Variants in PDE4D observed in about 807,000 individuals in gnomAD.
PDE4D encodes the protein 3',5'-cyclic-AMP phosphodiesterase 4D.
In PDE4D, 24 loss-of-function variants were observed where a neutral mutation model predicts 87.4. That is an observed-to-expected ratio of 0.27 (90% CI 0.20 to 0.39). The LOEUF (loss-of-function observed/expected upper bound fraction) is 0.39, where lower values mean the gene tolerates loss of function less well. PDE4D is among the 10% of genes least tolerant of loss of function. PDE4D has a pLI of 1.00. For synonymous variants in PDE4D, 384 were observed against 383.2 expected (o/e 1.00, Z -0.02); for missense variants, 714 against 1,041.0 (o/e 0.69, Z 4.32).
intron 1 of PDE4D, among the ~76,000 whole-genome samples, chr5:59,738,758 T>C (rs908878947): frequency 2.0e-5 from 3 of 151,850 alleles, no homozygotes; most frequent in Non-Finnish European, 4.4e-5. Context: ...TTTAATATTC[T>C]ATAATTTGTA....
intron 1 of PDE4D, among the ~76,000 whole-genome samples, chr5:59,770,168 T>C (rs1763295301): frequency 6.6e-6 from 1 of 152,162 alleles, no homozygotes; most frequent in Non-Finnish European, 1.5e-5. Context: ...TTTTTACCAA[T>C]ATAAAAGTTT....
At chr5:59,130,750 G>A (rs143810390) in intron 5 of PDE4D, among the ~76,000 whole-genome samples, 3 of 152,158 alleles carry the variant, frequency 2.0e-5, no homozygotes, top group African/African-American at 7.2e-5. Context: ...AAAAGTTCTT[G>A]TTTCTAATGG....
chr5:59,789,941 A>C (rs1035091377), intron 1 of PDE4D, among the ~76,000 whole-genome samples: 1 of 152,198 alleles, frequency 6.6e-6, no homozygotes, highest in Non-Finnish European at 1.5e-5. Context: ...CAGTGTGATC[A>C]ATGGAAGTTG....
At chr5:59,489,865 G>A (rs536953949) in intron 1 of PDE4D, among the ~76,000 whole-genome samples, 78 of 152,178 alleles carry the variant, frequency 5.1e-4, no homozygotes, top group Admixed American at 4.9e-3. Flanking sequence ...TTTCTATAGA[G>A]CACATCTTTC....
rs962344598 is a variant in PDE4D at position 59,159,944 on chromosome 5, GA to G, written c.808+20650del. ...AGATTTGCTGCTCGTTACTGTAGGG[GA>G]AAAAAAAGTCCTCATAGATCATTAG... is the stretch of plus-strand genomic sequence containing the variant. On this transcript the variant is annotated intron_variant, in intron 5 of 14. Coordinates refer to ENST00000340635, the MANE Select transcript of PDE4D (RefSeq NM_001104631.2). Among the ~76,000 whole-genome samples, 4 of 151,716 alleles carry G rather than the reference GA, an allele frequency of 2.6e-5. No homozygotes were observed. In the East Asian group the frequency reaches 7.8e-4, roughly 29 times the overall value.
intron 6 of PDE4D, among the ~76,000 whole-genome samples, chr5:59,000,833 C>T (rs574056453): frequency 2.6e-5 from 4 of 151,972 alleles, no homozygotes; most frequent in Admixed American, 1.3e-4. Context: ...GGATTACAGG[C>T]GCCCACCACC....
chr5:60,274,720 G>T (rs1245190993), intron 1 of PDE4D, among the ~76,000 whole-genome samples: 1 of 152,126 alleles, frequency 6.6e-6, no homozygotes, highest in Admixed American at 6.5e-5. Flanking sequence ...ACAACCTCAG[G>T]TACAGAAAAC....
At chr5:59,488,638 T>C (rs759323354) in intron 1 of PDE4D, among the ~76,000 whole-genome samples, 51 of 151,254 alleles carry the variant, frequency 3.4e-4, no homozygotes, top group Non-Finnish European at 7.1e-4. Context: ...AATAGAACAA[T>C]AAACCTTTCA....
chr5:60,010,039 T>C (rs1435257828), intron 2 of PDE4D, among the ~76,000 whole-genome samples: 1 of 152,072 alleles, frequency 6.6e-6, no homozygotes, highest in East Asian at 1.9e-4. Context: ...TAGGGATCCA[T>C]GAGAAGCCTC....
At chr5:59,558,768 C>G (rs1819424039) in intron 1 of PDE4D, 1 of 152,130 alleles carries the variant, frequency 6.6e-6, no homozygotes, top group African/African-American at 2.4e-5. Flanking sequence ...TATCTCTTCG[C>G]TGAAGCAGTC....
rs532762202 is a variant in PDE4D, at chr5:59,285,916, C to T, written c.456-69948G>A. On this transcript the variant is annotated intron_variant, in intron 1 of 14. Transcript: ENST00000340635. ...CCTGGCCAGTCTTTAAGAACCTTAT[C>T]TGGAGCCACTACTAAGTGTTGTCCA... 8.3e-4 allele frequency among the ~76,000 whole-genome samples: 127 copies of T among 152,304 alleles called. 1 individual carries two copies. Among genetic ancestry groups the T allele is most frequent in the Non-Finnish European group, 6.2e-4 (42 of 68,030 alleles).
chr5:59,351,747 A>G (rs748335959), intron 1 of PDE4D, among the ~76,000 whole-genome samples: 1 of 152,150 alleles, frequency 6.6e-6, no homozygotes, highest in Admixed American at 6.6e-5. Flanking sequence ...TTAAACCAAC[A>G]TCAATTAGGT....
intron 1 of PDE4D, among the ~76,000 whole-genome samples, chr5:59,503,867 A>G (rs1180884778): frequency 6.6e-6 from 1 of 151,974 alleles, no homozygotes; most frequent in African/African-American, 2.4e-5. Context: ...AGGAACATAC[A>G]TATGATTTTA....
intron 5 of PDE4D, among the ~76,000 whole-genome samples, chr5:59,169,505 G>T (rs1170907046): frequency 2.6e-5 from 4 of 152,084 alleles, no homozygotes; most frequent in Non-Finnish European, 4.4e-5. Context: ...TGTATTTTGA[G>T]AGATAACAGA....
intron 2 of PDE4D, among the ~76,000 whole-genome samples, chr5:60,077,457 A>G (rs12657321): frequency 0.51 from 76,805 of 151,994 alleles, 19,914 homozygotes; most frequent in East Asian, 0.83. Flanking sequence ...AGTCAGGCCT[A>G]ACCCACTAGA....
chr5:59,128,036 G>GTGTC (rs1465436402), intron 5 of PDE4D, among the ~76,000 whole-genome samples: 12 of 151,458 alleles, frequency 7.9e-5, no homozygotes, highest in African/African-American at 2.9e-4. Context: ...GTGTGTGTGT[G>GTGTC]TGTGTGTGTG....
intron 5 of PDE4D, among the ~76,000 whole-genome samples, chr5:59,096,739 G>A (rs1769793584): frequency 6.6e-6 from 1 of 152,146 alleles, no homozygotes; most frequent in South Asian, 2.1e-4. Flanking sequence ...GAATAAAAAT[G>A]GAGAGTTCAG....
chr5:60,020,481 T>G (rs1484246301), intron 2 of PDE4D, among the ~76,000 whole-genome samples: 1 of 152,218 alleles, frequency 6.6e-6, no homozygotes, highest in Non-Finnish European at 1.5e-5. Flanking sequence ...ATGCCTCATT[T>G]GTATGTTTAT....
intron 1 of PDE4D, among the ~76,000 whole-genome samples, chr5:59,381,249 T>A (rs1785773084): frequency 1.3e-5 from 2 of 152,162 alleles, no homozygotes; most frequent in South Asian, 4.1e-4. Context: ...TTTCTAATAT[T>A]TACTTAGCTT....
Sources: gnomAD v4.1 joint callset for allele counts (sites outside exome capture counted in the v4.1 genomes callset) on GRCh38, gnomAD v4.1.1 for gene constraint, MANE v1.5 for transcripts, NCBI Gene and HGNC (gene_info 2026-07-23, HGNC 2026-07-21) for gene names.